ASTN2: variants seen among roughly 807,000 people sequenced by gnomAD.
The protein encoded by ASTN2 is astrotactin-2.
ASTN2 carries 54 observed loss-of-function variants against 139.8 expected under a neutral mutation model. The ratio of observed to expected loss-of-function variants is 0.39; its 90% CI spans 0.31 to 0.48. The LOEUF (loss-of-function observed/expected upper bound fraction) is 0.48, where lower values mean the gene tolerates loss of function less well. Ranked by LOEUF, ASTN2 falls within the 20% of genes least tolerant of loss-of-function variation. The pLI, the probability that ASTN2 is intolerant of heterozygous loss-of-function variation, is 0.95. For missense variants in ASTN2, 1,565 were observed against 1,725.1 expected, an observed-to-expected ratio of 0.91 and a Z score of 1.64; for synonymous variants, 756 against 719.5, an observed-to-expected ratio of 1.05 and a Z score of -0.81.
chr9:117,228,555 C>A (rs543819742), intron 2 of ASTN2, among the ~76,000 whole-genome samples: 2 of 152,046 alleles, frequency 1.3e-5, no homozygotes, highest in South Asian at 4.2e-4. Context: ...AGATGCCCAT[C>A]AATGAGAAGG....
intron 10 of ASTN2, among the ~76,000 whole-genome samples, chr9:116,906,048 C>T (rs1478785067): frequency 3.3e-5 from 5 of 152,046 alleles, no homozygotes; most frequent in African/African-American, 1.2e-4. Context: ...CCCTCCAGAC[C>T]TTAGATTTCT....
chr9:116,497,124 G>T (rs1434408927), intron 19 of ASTN2, among the ~76,000 whole-genome samples: 1 of 152,182 alleles, frequency 6.6e-6, no homozygotes, highest in Admixed American at 6.5e-5. Flanking sequence ...GTGCAAGTGT[G>T]CATCTGAGGT....
chr9:117,319,490 G>A (rs1828254959), intron 1 of ASTN2, among the ~76,000 whole-genome samples: 1 of 152,024 alleles, frequency 6.6e-6, no homozygotes, highest in South Asian at 2.1e-4. Flanking sequence ...GTGCATTGGT[G>A]CAATCTTGGT....
At chr9:117,005,151 T>A (rs1837318448) in intron 7 of ASTN2, among the ~76,000 whole-genome samples, 1 of 139,346 alleles carries the variant, frequency 7.2e-6, no homozygotes, top group Admixed American at 7.9e-5. Context: ...AGTGGCATGA[T>A]CTCAGTTCAC....
At chr9:117,086,432 A>G (rs772743776) in intron 5 of ASTN2, among the ~76,000 whole-genome samples, 1 of 152,012 alleles carries the variant, frequency 6.6e-6, no homozygotes, top group Non-Finnish European at 1.5e-5. Flanking sequence ...AAATTAGCCA[A>G]ACATGGTGGC....
chr9:116,723,070 C>A (rs1395584141), intron 16 of ASTN2, among the ~76,000 whole-genome samples: 1 of 151,910 alleles, frequency 6.6e-6, no homozygotes, highest in African/African-American at 2.4e-5. Context: ...GGGACTGAGG[C>A]AGGAGAATGG....
chr9:117,206,042 G>C (rs2133002202), intron 3 of ASTN2, among the ~76,000 whole-genome samples: 1 of 152,330 alleles, frequency 6.6e-6, no homozygotes, highest in African/African-American at 2.4e-5. Context: ...AGTCCAATGT[G>C]AGGGGAGTGA....
chr9:116,646,261 T>C (rs370176141), intron 17 of ASTN2, among the ~76,000 whole-genome samples: 49 of 152,192 alleles, frequency 3.2e-4, no homozygotes, highest in African/African-American at 1.2e-3. Context: ...TTTTGTTCTG[T>C]TTTGTTCTTT....
At chr9:117,242,481 C>A (rs894230157) in intron 2 of ASTN2, among the ~76,000 whole-genome samples, 7 of 152,148 alleles carry the variant, frequency 4.6e-5, no homozygotes, top group Non-Finnish European at 8.8e-5. Context: ...TGGCTGGAAG[C>A]ATCCTAATGG....
rs188700613 is a variant in ASTN2 at position 116,555,663 on chromosome 9, A to T, written c.3355+62661T>A. Among the ~76,000 whole-genome samples, 22 of 152,206 alleles carry T rather than the reference A, an allele frequency of 1.4e-4. No homozygotes were observed. In the East Asian group the frequency reaches 4.1e-3, roughly 28 times the overall value. On this transcript the variant is annotated intron_variant, in intron 19 of 22. Transcript: ENST00000313400. ...GAGGATATCCCAGCTCTGGAGAAGG[A>T]AGGAAAGGATGATGGATTTTTCCAT...
Position 117,083,229 on chromosome 9 carries a change from T to A in ASTN2, c.1276+12815A>T, listed in dbSNP as rs893453032. On this transcript the variant is annotated intron_variant, in intron 5 of 22. Transcript: ENST00000313400. Reference sequence around the variant, plus strand: ...AGTTGATTATGCAAATAAAAAAAAATGAATGAACTTGGCATTCAAAGCGTT... The same window carrying A: ...AGTTGATTATGCAAATAAAAAAAAAAGAATGAACTTGGCATTCAAAGCGTT... Among the ~76,000 whole-genome samples, 4 of 152,284 alleles carry A rather than the reference T, an allele frequency of 2.6e-5. No individual in the cohort carries two copies. The South Asian group carries it at 8.3e-4, about 32-fold the overall frequency.
At chr9:117,253,707 C>T (rs1185097809) in intron 2 of ASTN2, among the ~76,000 whole-genome samples, 1 of 152,136 alleles carries the variant, frequency 6.6e-6, no homozygotes, top group Non-Finnish European at 1.5e-5. Context: ...AGTCGCTGTC[C>T]CTCTGACCAG....
At chr9:116,858,836 T>C (rs368730649) in intron 11 of ASTN2, among the ~76,000 whole-genome samples, 6 of 152,194 alleles carry the variant, frequency 3.9e-5, no homozygotes, top group African/African-American at 1.4e-4. Flanking sequence ...CCTCCTCATA[T>C]GATCTTTTAC....
At chr9:117,102,010 G>A (rs774324442) in intron 4 of ASTN2, among the ~76,000 whole-genome samples, 4 of 152,170 alleles carry the variant, frequency 2.6e-5, no homozygotes, top group Non-Finnish European at 5.9e-5. Flanking sequence ...ACCACATGAT[G>A]CAGGATTTCC....
At chr9:117,307,716 C>T (rs1367836378) in intron 1 of ASTN2, among the ~76,000 whole-genome samples, 2 of 152,198 alleles carry the variant, frequency 1.3e-5, no homozygotes, top group African/African-American at 2.4e-5. Flanking sequence ...ACATGCCTGC[C>T]AAAACAGGTT....
chr9:117,016,654 A>ATATG (rs1837707290), intron 6 of ASTN2, among the ~76,000 whole-genome samples: 1 of 100,076 alleles, frequency 1.0e-5, no homozygotes, highest in African/African-American at 4.9e-5. Context: ...ATATATATAT[A>ATATG]TAACCTATAT....
In ASTN2 at chr9:117,099,824, G is replaced by A. The variant is rs189378333; in HGVS notation, c.1169-3673C>T. Among the ~76,000 whole-genome samples the A allele has an allele frequency of 4.5e-3, 682 of 152,152 alleles. 7 individuals carry two copies. The highest frequency in any genetic ancestry group is 0.016 in the African/African-American group (657 of 41,510). On this transcript the variant is annotated intron_variant, in intron 4 of 22. Coordinates refer to ENST00000313400, the MANE Select transcript of ASTN2 (RefSeq NM_001365068.1). ...ACAAATACTTTGTTTAATATCCACA[G>A]CCATCCCTATAAGGACTGTATCATG...
At chr9:117,050,029 C>G (rs1452094322) in intron 5 of ASTN2, among the ~76,000 whole-genome samples, 1 of 152,144 alleles carries the variant, frequency 6.6e-6, no homozygotes, top group Non-Finnish European at 1.5e-5. Context: ...TATCAATCGA[C>G]TGGTGCTGAC....
intron 16 of ASTN2, among the ~76,000 whole-genome samples, chr9:116,705,591 C>G (rs1010288603): frequency 3.9e-5 from 6 of 152,114 alleles, no homozygotes; most frequent in Non-Finnish European, 1.5e-5. Context: ...TATTCACTCA[C>G]TTATTAAACA....
Sources: allele counts gnomAD v4.1 joint callset (sites outside exome capture counted in the v4.1 genomes callset), GRCh38; gene constraint gnomAD v4.1.1; transcripts MANE v1.5; gene names NCBI Gene and HGNC (gene_info 2026-07-23, HGNC 2026-07-21).